DNAH12: variants seen among roughly 807,000 people sequenced by gnomAD.
DNAH12 encodes the protein dynein axonemal heavy chain 12, also known as axonemal beta dynein heavy chain 12.
A neutral mutation model predicts 371.5 loss-of-function variants in DNAH12; 285 were observed. The ratio of observed to expected loss-of-function variants is 0.77; its 90% CI spans 0.70 to 0.85. The LOEUF is 0.85. DNAH12 is among the 40% of genes least tolerant of loss of function. The pLI is 0.00. For synonymous variants in DNAH12, 1,200 were observed against 1,213.0 expected (o/e 0.99, Z 0.22); for missense variants, 3,611 against 3,689.4 (o/e 0.98, Z 0.55).
chr3:57,442,272 G>C (rs1575604880), intron 29 of DNAH12, among the ~76,000 whole-genome samples: 1 of 125,888 alleles, frequency 7.9e-6, no homozygotes, highest in African/African-American at 2.5e-5. Flanking sequence ...AGAAAGGGTA[G>C]CGTAAGAGGC....
chr3:57,502,587 T>A, intron 9 of DNAH12, 108 bp from the exon 10 acceptor site: 2 of 1,204,818 alleles, frequency 1.7e-6, no homozygotes, highest in Non-Finnish European at 2.3e-6. Flanking sequence ...TCTTGCTCTA[T>A]CACCCAGGTT....
chr3:57,438,845 T>C (rs1299843889), intron 29 of DNAH12, among the ~76,000 whole-genome samples: 1 of 138,688 alleles, frequency 7.2e-6, no homozygotes, highest in Non-Finnish European at 1.5e-5. Context: ...CCCAGCTACT[T>C]GGGAGGCTGC....
At chr3:57,471,383 A>G (rs1337260054) in intron 15 of DNAH12, 89 bp downstream of exon 15, 1 of 1,238,642 alleles carries the variant, frequency 8.1e-7, no homozygotes, top group Non-Finnish European at 1.0e-6. Context: ...AATAGTAAAC[A>G]TATTTTTCTA....
At chr3:57,533,952 T>C (rs1301347468) in intron 2 of DNAH12, among the ~76,000 whole-genome samples, 4 of 152,222 alleles carry the variant, frequency 2.6e-5, no homozygotes, top group African/African-American at 7.2e-5. Flanking sequence ...GCAGTCCTTG[T>C]GGCCTAGACT....
intron 11 of DNAH12, among the ~76,000 whole-genome samples, chr3:57,490,164 G>A (rs2067069414): frequency 6.6e-6 from 1 of 151,950 alleles, no homozygotes. Flanking sequence ...GAACTTATTG[G>A]TTTTTGTCAA....
chr3:57,413,029 A>G (rs2064255844), intron 39 of DNAH12, among the ~76,000 whole-genome samples: 1 of 152,228 alleles, frequency 6.6e-6, no homozygotes, highest in Admixed American at 6.5e-5. Flanking sequence ...AAAACTTGGA[A>G]GCAACCAAGA....
At chr3:57,401,904 A>G (rs1553678883) in intron 43 of DNAH12, among the ~76,000 whole-genome samples, 1 of 152,246 alleles carries the variant, frequency 6.6e-6, no homozygotes, top group African/African-American at 2.4e-5. Context: ...GCAGAAATGG[A>G]TAAGTCCCTA....
Position 57,425,072 on chromosome 3 carries a change from T to C in DNAH12, c.5323A>G (p.Asn1775Asp). The change falls in exon 35 of 74, where the codon AAT (asparagine) becomes GAT (aspartate). Residue 1775 changes from asparagine to aspartate, a missense_variant. Physicochemically the swap from Asn to Asp is conservative, Grantham distance 23. Coordinates refer to ENST00000495027, the MANE Select transcript of DNAH12 (RefSeq NM_001366028.2). ...CTAGTAGGATCATTTTCTACCACAT[T>C]GCAAAGTAGCACTTCAAAGAGGCGT... Reference protein sequence around the residue: ...LTRLFEVLLCNVVENDPTSKH... With the variant: ...LTRLFEVLLCDVVENDPTSKH... 1 of 702,820 alleles carries C rather than the reference T, an allele frequency of 1.4e-6. No homozygotes were observed. Among genetic ancestry groups the C allele is most frequent in the South Asian group, 1.5e-5 (1 of 67,552 alleles). The allele number at this position is 702,820 out of a possible 1,614,324, so 43.5% of individuals were successfully genotyped here.
chr3:57,317,369 A>G (rs1239659854), intron 65 of DNAH12, among the ~76,000 whole-genome samples: 1 of 152,176 alleles, frequency 6.6e-6, no homozygotes, highest in African/African-American at 2.4e-5. Context: ...CCCATTAATA[A>G]GCAACTCCCT....
chr3:57,452,557 A>T (rs2065786374), intron 25 of DNAH12, among the ~76,000 whole-genome samples: 1 of 151,876 alleles, frequency 6.6e-6, no homozygotes, highest in Admixed American at 6.6e-5. Flanking sequence ...AACTGATACC[A>T]TTTTCCAAAG....
intron 2 of DNAH12, among the ~76,000 whole-genome samples, chr3:57,535,228 T>A (rs1429171549): frequency 2.6e-5 from 4 of 152,230 alleles, no homozygotes; most frequent in African/African-American, 9.6e-5. Flanking sequence ...ATGGTTTAAA[T>A]GTGTCCCCCA....
At chr3:57,303,894 A>G (rs181194453) in intron 69 of DNAH12, among the ~76,000 whole-genome samples, 62 of 152,310 alleles carry the variant, frequency 4.1e-4, no homozygotes, top group African/African-American at 1.5e-3. Flanking sequence ...GAATCACAAA[A>G]GAAGTGAAAT....
chr3:57,344,367 C>A (rs150700306), intron 60 of DNAH12, among the ~76,000 whole-genome samples: 2 of 152,154 alleles, frequency 1.3e-5, no homozygotes, highest in Non-Finnish European at 2.9e-5. Context: ...ACAACCATTA[C>A]GGAGAACAGT....
chr3:57,469,743 T>C (rs867896399), intron 16 of DNAH12, among the ~76,000 whole-genome samples: 2 of 152,250 alleles, frequency 1.3e-5, no homozygotes, highest in African/African-American at 4.8e-5. Context: ...GAAAACCAAA[T>C]ACCTCATGTT....
chr3:57,537,724 C>T (rs536168580), intron 2 of DNAH12, among the ~76,000 whole-genome samples: 21 of 143,320 alleles, frequency 1.5e-4, no homozygotes, highest in Non-Finnish European at 1.6e-4. Flanking sequence ...CTTGCTCTGT[C>T]GCCAGGCTGG....
chr3:57,327,761 G>C (rs1391801762), intron 62 of DNAH12, among the ~76,000 whole-genome samples: 1 of 152,028 alleles, frequency 6.6e-6, no homozygotes, highest in African/African-American at 2.4e-5. Flanking sequence ...AAAAATTAAT[G>C]AATCCAGGAG....
At position 57,458,023 on chromosome 3, in the gene DNAH12, T is replaced by C. The variant is rs1559682770; in HGVS notation, c.3054-20A>G. The C allele has an allele frequency of 6.5e-7, 1 of 1,541,960 alleles. No individual in the cohort carries two copies. The highest frequency in any genetic ancestry group is 2.4e-5 in the East Asian group (1 of 40,840). ...AAAAAACTAGGGAAAAACATGCAAA[T>C]ACAAAAGTTTTAGTTATAATTCATC... is the stretch of plus-strand genomic sequence containing the variant. On this transcript the variant is annotated intron_variant, in intron 21 of 73. Transcript: ENST00000495027.
At chr3:57,466,463 T>G (rs560184602) in intron 17 of DNAH12, among the ~76,000 whole-genome samples, 2 of 152,304 alleles carry the variant, frequency 1.3e-5, no homozygotes, top group Admixed American at 1.3e-4. Context: ...TGAATAGACA[T>G]AGACAGGAAC....
chr3:57,307,555 G>A (rs2061497855), intron 69 of DNAH12, among the ~76,000 whole-genome samples: 1 of 152,136 alleles, frequency 6.6e-6, no homozygotes, highest in Non-Finnish European at 1.5e-5. Context: ...ACTTTTAGAG[G>A]CCCTTAAAAT....
Sources: allele counts gnomAD v4.1 joint callset (sites outside exome capture counted in the v4.1 genomes callset), GRCh38; gene constraint gnomAD v4.1.1; transcripts MANE v1.5; gene names NCBI Gene and HGNC (gene_info 2026-07-23, HGNC 2026-07-21).